ASIC2: variants seen among roughly 807,000 people sequenced by gnomAD.
ASIC2 encodes acid sensing ion channel subunit 2.
Under a neutral mutation model 57.3 loss-of-function variants are expected in ASIC2, and 25 were observed. The ratio of observed to expected loss-of-function variants is 0.44; its 90% CI spans 0.32 to 0.61. ASIC2 has a LOEUF of 0.61. ASIC2 is among the 20% of genes least tolerant of loss of function. The pLI is 0.06. For missense variants in ASIC2, 641 were observed against 738.1 expected (o/e 0.87, Z 1.52); for synonymous variants, 319 against 307.5 (o/e 1.04, Z -0.39).
intron 1 of ASIC2, among the ~76,000 whole-genome samples, chr17:33,898,220 C>CTTTTATTTTTTTTTTTT (rs1915146861): frequency 1.5e-5 from 1 of 66,196 alleles, no homozygotes. Flanking sequence ...CATGTATAAT[C>CTTTTATTTTTTTTTTTT]TTTTTTTTTT....
intron 1 of ASIC2, among the ~76,000 whole-genome samples, chr17:33,708,240 G>A (rs749817247): frequency 1.2e-4 from 18 of 152,194 alleles, no homozygotes; most frequent in Non-Finnish European, 2.1e-4. Flanking sequence ...TGTTTACAGA[G>A]TTCCAGAATG....
At chr17:34,024,665 G>A (rs1318951610) in intron 1 of ASIC2, among the ~76,000 whole-genome samples, 3 of 152,220 alleles carry the variant, frequency 2.0e-5, no homozygotes, top group African/African-American at 7.2e-5. Flanking sequence ...TGGACCGGCA[G>A]TGACCCCAAG....
chr17:33,026,976 A>C (rs1401200357), intron 4 of ASIC2, among the ~76,000 whole-genome samples: 1 of 152,204 alleles, frequency 6.6e-6, no homozygotes, highest in Non-Finnish European at 1.5e-5. Context: ...TATTTAAAAC[A>C]TACAAATTTA....
Position 33,291,705 on chromosome 17 carries a change from G to A in ASIC2, c.411C>T (p.Asn137=), listed in dbSNP as rs2142182500. ...QLPFPAVTVC[N]NNPLRFPRLS... ...GGCGCGGGAAGCGCAGCGGGTTGTT[G>A]TTGCACACAGTGACGGCGGGGAAGG... Residue 137 remains asparagine (N), a synonymous_variant, in exon 1 of 10, where the codon AAC becomes AAT. Coordinates refer to ENST00000225823, the MANE Select transcript of ASIC2 (RefSeq NM_183377.2). 7 of 1,613,670 alleles carry A rather than the reference G, an allele frequency of 4.3e-6. No individual in the cohort carries two copies. Among genetic ancestry groups the A allele is most frequent in the East Asian group, 2.2e-5 (1 of 44,846 alleles).
intron 1 of ASIC2, among the ~76,000 whole-genome samples, chr17:33,115,715 T>C (rs1332641822): frequency 6.6e-6 from 1 of 152,250 alleles, no homozygotes; most frequent in African/African-American, 2.4e-5. Context: ...ACATCCCTTA[T>C]ATTTTTCCAT....
chr17:33,391,155 C>T (rs1401741986), intron 1 of ASIC2, among the ~76,000 whole-genome samples: 1 of 152,200 alleles, frequency 6.6e-6, no homozygotes, highest in Non-Finnish European at 1.5e-5. Flanking sequence ...ATCTTGTCCA[C>T]TATCCTTATT....
At chr17:34,098,222 A>G (rs1330116177) in intron 1 of ASIC2, among the ~76,000 whole-genome samples, 1 of 152,172 alleles carries the variant, frequency 6.6e-6, no homozygotes, top group African/African-American at 2.4e-5. Flanking sequence ...AAGCGCATGG[A>G]AGCACAGCCC....
chr17:33,900,304 G>A (rs1915203913), intron 1 of ASIC2, among the ~76,000 whole-genome samples: 1 of 152,108 alleles, frequency 6.6e-6, no homozygotes, highest in African/African-American at 2.4e-5. Flanking sequence ...TACCAGTGAG[G>A]GAAAGTTATT....
At chr17:33,147,315 AT>A (rs1904601069) in intron 1 of ASIC2, among the ~76,000 whole-genome samples, 1 of 152,262 alleles carries the variant, frequency 6.6e-6, no homozygotes. Flanking sequence ...CAGTATGTGC[AT>A]TGTGGATTCA....
intron 1 of ASIC2, among the ~76,000 whole-genome samples, chr17:34,030,416 C>CT (rs1307521993): frequency 6.6e-6 from 1 of 152,242 alleles, no homozygotes; most frequent in African/African-American, 2.4e-5. Context: ...CGGTCTACAG[C>CT]TCCCAGCTTG....
chr17:33,256,011 G>A (rs943265593), intron 1 of ASIC2, among the ~76,000 whole-genome samples: 1 of 151,834 alleles, frequency 6.6e-6, no homozygotes, highest in African/African-American at 2.4e-5. Context: ...ATTCACACTA[G>A]GAAAAAAAAC....
Position 33,662,624 on chromosome 17 carries a change from AAAATAAAT to A in ASIC2, c.555+493346_555+493353del, listed in dbSNP as rs71144895. ...GGTGACAAAGCAAGACTCTGTCTCA[AAAATAAAT>A]AAATAAATAAATAAATAAATAAATA... On this transcript the variant is annotated intron_variant, in intron 1 of 9. Coordinates refer to the ASIC2 transcript ENST00000359872. Among the ~76,000 whole-genome samples the A allele has an allele frequency of 5.1e-3, 436 of 85,772 alleles. 2 individuals are homozygous for A. Among genetic ancestry groups the A allele is most frequent in the African/African-American group, 0.015 (234 of 15,894 alleles). 56.3% of individuals were successfully genotyped at this position (85,772 alleles called of 152,430 possible).
intron 1 of ASIC2, among the ~76,000 whole-genome samples, chr17:33,748,115 A>G (rs554875299): frequency 6.6e-6 from 1 of 152,214 alleles, no homozygotes; most frequent in Non-Finnish European, 1.5e-5. Context: ...GAGCCCACTC[A>G]ATCTAACTGC....
At chr17:33,698,139 G>A (rs1303778692) in intron 1 of ASIC2, among the ~76,000 whole-genome samples, 1 of 152,210 alleles carries the variant, frequency 6.6e-6, no homozygotes, top group Non-Finnish European at 1.5e-5. Flanking sequence ...TAATTTTCAC[G>A]AGGAGTTATA....
chr17:33,883,734 A>G (rs1914759440), intron 1 of ASIC2, among the ~76,000 whole-genome samples: 1 of 152,290 alleles, frequency 6.6e-6, no homozygotes, highest in South Asian at 2.1e-4. Flanking sequence ...TGCCCCCTCA[A>G]CCAGCATTTC....
At chr17:33,869,157 G>A (rs1031289017) in intron 1 of ASIC2, among the ~76,000 whole-genome samples, 30 of 152,242 alleles carry the variant, frequency 2.0e-4, no homozygotes, top group Admixed American at 5.9e-4. Context: ...ACGAAGTGAC[G>A]CTCACTATCA....
At chr17:33,661,267 G>T (rs527884511) in intron 1 of ASIC2, among the ~76,000 whole-genome samples, 1 of 152,264 alleles carries the variant, frequency 6.6e-6, no homozygotes, top group East Asian at 1.9e-4. Flanking sequence ...TTAGAAACCC[G>T]AAGCTCAGAA....
intron 1 of ASIC2, among the ~76,000 whole-genome samples, chr17:34,074,518 T>C (rs1194159920): frequency 6.6e-6 from 1 of 152,142 alleles, no homozygotes; most frequent in African/African-American, 2.4e-5. Flanking sequence ...AAGACTGTCA[T>C]GATTTATTTT....
chr17:33,704,670 C>A (rs933351386), intron 1 of ASIC2, among the ~76,000 whole-genome samples: 6 of 152,156 alleles, frequency 3.9e-5, no homozygotes, highest in Non-Finnish European at 8.8e-5. Context: ...GTTCATGGAC[C>A]AAAGACTAGG....
Sources: allele counts gnomAD v4.1 joint callset (sites outside exome capture counted in the v4.1 genomes callset), GRCh38; gene constraint gnomAD v4.1.1; transcripts MANE v1.5; gene names NCBI Gene and HGNC (gene_info 2026-07-23, HGNC 2026-07-21).